The following MCUB variants were observed in gnomAD, a reference collection of about 807,000 sequenced individuals.
The protein encoded by MCUB is mitochondrial calcium uniporter dominant negative subunit beta, also known as calcium uniporter regulatory subunit MCUb, mitochondrial.
Under a neutral mutation model 41.4 loss-of-function variants are expected in MCUB, and 46 were observed. The ratio of observed to expected loss-of-function variants is 1.11; its 90% CI spans 0.88 to 1.42. MCUB has a LOEUF of 1.42. MCUB is among the 40% of genes most tolerant of loss of function. The pLI is 0.00. For synonymous variants in MCUB, 148 were observed against 148.2 expected, an observed-to-expected ratio of 1.00 and a Z score of 0.01; for missense variants, 403 against 404.9, an observed-to-expected ratio of 1.00 and a Z score of 0.04.
intron 4 of MCUB, among the ~76,000 whole-genome samples, chr4:109,667,397 TTCCTTTTAA>T (rs1444623133): frequency 6.6e-6 from 1 of 152,020 alleles, no homozygotes; most frequent in African/African-American, 2.4e-5. Flanking sequence ...TTTCTTTATT[TTCCTTTTAA>T]TGTCCATGGG....
chr4:109,586,424 T>C (rs1727306939), intron 1 of MCUB, among the ~76,000 whole-genome samples: 1 of 152,046 alleles, frequency 6.6e-6, no homozygotes, highest in Non-Finnish European at 1.5e-5. Flanking sequence ...GAGTAGTTTG[T>C]TATTACTGAC....
chr4:109,618,982 C>G (rs1579068499), intron 1 of MCUB, among the ~76,000 whole-genome samples: 1 of 149,022 alleles, frequency 6.7e-6, no homozygotes, highest in South Asian at 2.2e-4. Flanking sequence ...CTCTCTCTCT[C>G]TCTCTCTACC....
chr4:109,618,044 G>C (rs374623855), intron 1 of MCUB, among the ~76,000 whole-genome samples: 1 of 152,292 alleles, frequency 6.6e-6, no homozygotes, highest in African/African-American at 2.4e-5. Flanking sequence ...CTGGTGGATA[G>C]TTTCTTACAA....
intron 1 of MCUB, among the ~76,000 whole-genome samples, chr4:109,566,476 A>AT (rs1726781514): frequency 1.3e-5 from 2 of 149,162 alleles, no homozygotes; most frequent in African/African-American, 5.0e-5. Flanking sequence ...TCTCAAAAAA[A>AT]AAAAAATAAA....
At chr4:109,653,356 G>GA (rs1195127198) in intron 1 of MCUB, among the ~76,000 whole-genome samples, 1 of 150,976 alleles carries the variant, frequency 6.6e-6, no homozygotes, top group Admixed American at 6.6e-5. Flanking sequence ...TCCAGCCTGG[G>GA]GGACAGAGCA....
At chr4:109,572,993 T>C (rs1334937968) in intron 1 of MCUB, among the ~76,000 whole-genome samples, 1 of 152,166 alleles carries the variant, frequency 6.6e-6, no homozygotes, top group Admixed American at 6.5e-5. Context: ...TTATTATTAC[T>C]GATATAAACA....
In MCUB at chr4:109,677,412, T is replaced by G. The variant is rs896237669; in HGVS notation, c.452-5170T>G. 3.9e-5 allele frequency among the ~76,000 whole-genome samples: 6 copies of G among 152,190 alleles called. No homozygotes were observed. The South Asian group carries it at 1.0e-3, about 26-fold the overall frequency. On this transcript the variant is annotated intron_variant, in intron 4 of 7. Coordinates refer to ENST00000394650, the MANE Select transcript of MCUB (RefSeq NM_017918.5). Reference sequence around the variant, plus strand: ...GGACTTTTGAGTAGATGCTTGGGGCTCTTGGGATGGAGTGAATGTATTTTG... The same window carrying G: ...GGACTTTTGAGTAGATGCTTGGGGCGCTTGGGATGGAGTGAATGTATTTTG...
At chr4:109,672,896 A>G (rs576981638) in intron 4 of MCUB, among the ~76,000 whole-genome samples, 4 of 152,296 alleles carry the variant, frequency 2.6e-5, no homozygotes, top group Admixed American at 1.3e-4. Context: ...TTGACCTTGT[A>G]CCTATCATGT....
chr4:109,652,991 A>G (rs151080480), intron 1 of MCUB, among the ~76,000 whole-genome samples: 31 of 152,294 alleles, frequency 2.0e-4, no homozygotes, highest in Non-Finnish European at 3.4e-4. Flanking sequence ...TGGCATTTGT[A>G]CAAATTGTAT....
chr4:109,660,230 G>A lies in MCUB; in HGVS notation c.211G>A (p.Val71Ile), dbSNP rs1229246607. 1 of 1,595,780 alleles carries A rather than the reference G, an allele frequency of 6.3e-7. No homozygotes were observed. Among genetic ancestry groups the A allele is most frequent in the South Asian group, 1.1e-5 (1 of 89,638 alleles). Residue 71 changes from valine (V) to isoleucine (I), a missense_variant, in exon 3 of 8, where the codon GTA becomes ATA. Physicochemically the swap from Val to Ile is conservative, Grantham distance 29. Coordinates refer to ENST00000394650, the MANE Select transcript of MCUB (RefSeq NM_017918.5). The part of the protein sequence containing the change: ...TVIYRHGLPL[V>I]TLTLPSRKER... Reference sequence around the variant, plus strand: ...TATTTATAGACATGGCCTTCCCTTGGTAACACTTACCTTGCCATCTAGAAA... The same window carrying A: ...TATTTATAGACATGGCCTTCCCTTGATAACACTTACCTTGCCATCTAGAAA...
chr4:109,646,551 A>G (rs998208651), intron 1 of MCUB, among the ~76,000 whole-genome samples: 1 of 152,238 alleles, frequency 6.6e-6, no homozygotes, highest in African/African-American at 2.4e-5. Context: ...TTTAAAATGT[A>G]AATAGAATCA....
intron 1 of MCUB, among the ~76,000 whole-genome samples, chr4:109,568,590 C>G (rs964207621): frequency 3.3e-5 from 5 of 152,184 alleles, no homozygotes; most frequent in Non-Finnish European, 7.3e-5. Flanking sequence ...TAGCCACCCC[C>G]CATCTCCCCA....
intron 1 of MCUB, among the ~76,000 whole-genome samples, chr4:109,638,343 C>G (rs893851876): frequency 6.7e-6 from 1 of 149,994 alleles, no homozygotes; most frequent in African/African-American, 2.5e-5. Context: ...GGCAACAGAG[C>G]GAAACCTTGT....
chr4:109,604,683 A>G (rs115600068), intron 1 of MCUB, among the ~76,000 whole-genome samples: 1,884 of 152,252 alleles, frequency 0.012, 40 homozygotes, highest in African/African-American at 0.043. Flanking sequence ...CGTTGAGGTA[A>G]GTTTCTTCTA....
chr4:109,609,958 A>G (rs1285486932), intron 1 of MCUB, among the ~76,000 whole-genome samples: 2 of 152,142 alleles, frequency 1.3e-5, no homozygotes, highest in Admixed American at 1.3e-4. Flanking sequence ...TCTCTGTTCT[A>G]CTGCAGCTAA....
intron 4 of MCUB, among the ~76,000 whole-genome samples, chr4:109,666,442 C>G (rs114430079): frequency 0.025 from 3,823 of 152,288 alleles, 144 homozygotes; most frequent in African/African-American, 0.088. Flanking sequence ...CCTGTTGCCC[C>G]ATATCCTTGC....
chr4:109,623,283 C>T (rs1728292500), intron 1 of MCUB, among the ~76,000 whole-genome samples: 1 of 152,090 alleles, frequency 6.6e-6, no homozygotes, highest in Non-Finnish European at 1.5e-5. Context: ...GACCAGATAT[C>T]GAAGGGCATA....
intron 5 of MCUB, among the ~76,000 whole-genome samples, chr4:109,684,083 C>T (rs1310896886): frequency 1.4e-5 from 2 of 138,140 alleles, no homozygotes; most frequent in Admixed American, 1.4e-4. Flanking sequence ...TTTTTTTTGA[C>T]GCAGAGTCTT....
chr4:109,591,624 T>G (rs1018085070), intron 1 of MCUB, among the ~76,000 whole-genome samples: 1 of 152,214 alleles, frequency 6.6e-6, no homozygotes, highest in African/African-American at 2.4e-5. Context: ...GTGGGTAGTT[T>G]AGTTGCATTG....
Sources: allele counts gnomAD v4.1 joint callset (sites outside exome capture counted in the v4.1 genomes callset), GRCh38; gene constraint gnomAD v4.1.1; transcripts MANE v1.5; gene names NCBI Gene and HGNC (gene_info 2026-07-23, HGNC 2026-07-21).